CHST15: variants seen among roughly 807,000 people sequenced by gnomAD.
The protein encoded by CHST15 is carbohydrate sulfotransferase 15, also known as B cell RAG associated protein (GALNAC4S-6ST).
In CHST15, 30 loss-of-function variants were observed where a neutral mutation model predicts 53.6. The observed-to-expected ratio is 0.56, with a 90% CI of 0.42 to 0.76. The LOEUF (loss-of-function observed/expected upper bound fraction) is 0.76, where lower values mean the gene tolerates loss of function less well. Ranked by LOEUF, CHST15 falls within the 30% of genes least tolerant of loss-of-function variation. The pLI is 0.00. For missense variants in CHST15, 627 were observed against 740.5 expected (o/e 0.85, Z 1.78); for synonymous variants, 296 against 289.8 (o/e 1.02, Z -0.22).
intron 1 of CHST15, among the ~76,000 whole-genome samples, chr10:124,052,544 G>A (rs901664501): frequency 2.6e-5 from 4 of 152,184 alleles, no homozygotes; most frequent in African/African-American, 7.2e-5. Flanking sequence ...AGAAGTCCCC[G>A]CTAGCAACAG....
intron 1 of CHST15, among the ~76,000 whole-genome samples, chr10:124,078,409 T>C (rs1248581480): frequency 1.3e-5 from 2 of 152,190 alleles, no homozygotes; most frequent in South Asian, 2.1e-4. Context: ...TGAAATGAAA[T>C]AAAGTAGATA....
chr10:124,083,985 C>T (rs185640126), intron 1 of CHST15, among the ~76,000 whole-genome samples: 80 of 152,334 alleles, frequency 5.3e-4, no homozygotes, highest in African/African-American at 1.7e-3. Flanking sequence ...CCAAGGCTCA[C>T]GGTTTCTAAG....
chr10:124,044,806 G>C lies in CHST15; in HGVS notation c.660C>G (p.Leu220=). Residue 220 remains leucine (L), a synonymous_variant, in exon 3 of 8, where the codon CTC becomes CTG. Transcript: ENST00000435907. Reference sequence around the variant, plus strand: ...AGGTGGAGCGGAAGCGCTTGGAGTAGAGCACGTAGGAGTTGGTGAGGTAGG... The same window carrying C: ...AGGTGGAGCGGAAGCGCTTGGAGTACAGCACGTAGGAGTTGGTGAGGTAGG... ...TDPYLTNSYV[L]YSKRFRSTFD... 1 of 1,596,072 alleles carries C rather than the reference G, an allele frequency of 6.3e-7. No homozygotes were observed. The highest frequency in any genetic ancestry group is 8.6e-7 in the Non-Finnish European group (1 of 1,169,246).
intron 1 of CHST15, among the ~76,000 whole-genome samples, chr10:124,082,591 G>A (rs1949281510): frequency 6.6e-6 from 1 of 152,182 alleles, no homozygotes. Flanking sequence ...GGAAACACAT[G>A]TCCACACCCA....
chr10:124,019,755 G>C lies in CHST15; in HGVS notation c.1347+1501C>G. ...CACTATCTTCTGCTTAAAACCCTCT[G>C]AGGGGTCCCATCTCTCTCAGGGTGA... is the stretch of plus-strand genomic sequence containing the variant. On this transcript the variant is annotated intron_variant, in intron 6 of 7. Transcript: ENST00000435907. The surrounding 1 kb of genome is among the most constrained non-coding windows in gnomAD (Gnocchi z 4.6). The C allele has an allele frequency of 8.1e-6, 8 of 983,098 alleles. No homozygotes were observed. Among genetic ancestry groups the C allele is most frequent in the Non-Finnish European group, 9.7e-6 (8 of 827,828 alleles). The allele number at this position is 983,098 out of a possible 1,614,324, so 60.9% of individuals were successfully genotyped here. A position where few individuals can be genotyped will look rare whatever the true frequency, so the allele number is the denominator to read the frequency against.
chr10:124,091,100 G>T (rs1257943264), intron 1 of CHST15, among the ~76,000 whole-genome samples: 2 of 152,234 alleles, frequency 1.3e-5, no homozygotes, highest in South Asian at 4.1e-4. Flanking sequence ...CTAGGAGGTG[G>T]CAAGAAAGAA....
At chr10:124,071,134 C>T (rs1316288653) in intron 1 of CHST15, among the ~76,000 whole-genome samples, 1 of 152,216 alleles carries the variant, frequency 6.6e-6, no homozygotes, top group Non-Finnish European at 1.5e-5. Context: ...GGCCATGTCC[C>T]ACTTGTGTGA....
At chr10:124,037,115 G>A (rs938407834) in intron 5 of CHST15, among the ~76,000 whole-genome samples, 4 of 152,208 alleles carry the variant, frequency 2.6e-5, no homozygotes, top group Non-Finnish European at 5.9e-5. Context: ...CAAGAGGCAT[G>A]CTCCCTGTGT....
intron 7 of CHST15, chr10:124,011,079 G>A (rs1338977846): frequency 5.1e-6 from 5 of 982,972 alleles, no homozygotes; most frequent in Non-Finnish European, 6.0e-6. Context: ...GGGAGGGGCT[G>A]TCAGTCACGC....
chr10:124,064,366 G>C (rs568094450), intron 1 of CHST15, among the ~76,000 whole-genome samples: 2 of 152,352 alleles, frequency 1.3e-5, no homozygotes, highest in African/African-American at 2.4e-5. Flanking sequence ...CAAAGTGCCT[G>C]TGTGATGGCC....
intron 1 of CHST15, among the ~76,000 whole-genome samples, chr10:124,085,995 C>T (rs1050640651): frequency 6.6e-6 from 1 of 152,058 alleles, no homozygotes; most frequent in African/African-American, 2.4e-5. Flanking sequence ...AAGCACAGGC[C>T]CTGTGGGGGG....
intron 1 of CHST15, among the ~76,000 whole-genome samples, chr10:124,060,185 A>G (rs1204028039): frequency 6.7e-6 from 1 of 149,260 alleles, no homozygotes; most frequent in Non-Finnish European, 1.5e-5. Context: ...CAGTGTGTGC[A>G]CAGGTGTTCC....
Position 124,009,646 on chromosome 10 carries a change from A to T in CHST15, c.*503T>A, listed in dbSNP as rs1946356760. On this transcript the variant is annotated 3_prime_UTR_variant, in exon 8 of 8. Coordinates refer to ENST00000435907, the MANE Select transcript of CHST15 (RefSeq NM_001270764.2). ...TTTCAGAAGTGAATGTGGTATGATCACACCTGTGAAGATAGCCATTGAATA... is the reference window on the plus strand; with the variant it reads ...TTTCAGAAGTGAATGTGGTATGATCTCACCTGTGAAGATAGCCATTGAATA... 1.0e-6 allele frequency: 1 copy of T among 998,320 alleles called. No homozygotes were observed. The highest frequency in any genetic ancestry group is 1.7e-5 in the African/African-American group (1 of 57,296). 61.8% of individuals were successfully genotyped at this position (998,320 alleles called of 1,614,324 possible). A position where few individuals can be genotyped will look rare whatever the true frequency, so the allele number is the denominator to read the frequency against.
intron 1 of CHST15, among the ~76,000 whole-genome samples, chr10:124,065,030 T>C (rs547435459): frequency 6.6e-6 from 1 of 152,184 alleles, no homozygotes; most frequent in East Asian, 1.9e-4. Flanking sequence ...GCAACACACA[T>C]AAAAACATAG....
intron 5 of CHST15, among the ~76,000 whole-genome samples, chr10:124,038,163 G>A (rs1044307100): frequency 2.0e-5 from 3 of 150,512 alleles, no homozygotes; most frequent in Non-Finnish European, 2.9e-5. Context: ...CTGGAGTGCA[G>A]TTGCACCATC....
In CHST15 at chr10:124,007,694, C is replaced by T; in HGVS notation, c.*2455G>A. 8.2e-7 allele frequency: 1 copy of T among 1,222,036 alleles called. No homozygotes were observed. The highest frequency in any genetic ancestry group is 1.0e-6 in the Non-Finnish European group (1 of 982,672). The allele number at this position is 1,222,036 out of a possible 1,614,324, so 75.7% of individuals were successfully genotyped here. ...TGGCTGCAGAGGAAGAGCACGCGCTCCACAGGCGTCACTCTTATGGGTCCA... is the reference window on the plus strand; with the variant it reads ...TGGCTGCAGAGGAAGAGCACGCGCTTCACAGGCGTCACTCTTATGGGTCCA... On this transcript the variant is annotated 3_prime_UTR_variant, in exon 8 of 8. Transcript: ENST00000435907.
At chr10:124,034,143 A>T (rs1377051940) in intron 5 of CHST15, among the ~76,000 whole-genome samples, 3 of 152,210 alleles carry the variant, frequency 2.0e-5, no homozygotes, top group Admixed American at 2.0e-4. Flanking sequence ...ACGTATGCTC[A>T]GTGCCCAGCA....
chr10:124,063,684 G>C (rs967493761), intron 1 of CHST15, among the ~76,000 whole-genome samples: 29 of 152,146 alleles, frequency 1.9e-4, no homozygotes, highest in Non-Finnish European at 3.5e-4. Flanking sequence ...TTCAGAGCTG[G>C]AAAAGTGAAC....
intron 1 of CHST15, among the ~76,000 whole-genome samples, chr10:124,083,996 C>A (rs868655641): frequency 1.3e-5 from 2 of 152,308 alleles, no homozygotes; most frequent in Middle Eastern, 3.4e-3. Flanking sequence ...GGTTTCTAAG[C>A]CCACACAATG....
Sources: gnomAD v4.1 joint callset for allele counts (sites outside exome capture counted in the v4.1 genomes callset) on GRCh38, gnomAD v4.1.1 for gene constraint, Gnocchi (gnomAD v3.1) non-coding constraint, MANE v1.5 for transcripts, NCBI Gene and HGNC (gene_info 2026-07-23, HGNC 2026-07-21) for gene names.